Variants in KCNMA1 observed in about 807,000 individuals in gnomAD.
The protein encoded by KCNMA1 is Calcium-activated potassium channel subunit alpha-1.
Under a neutral mutation model 140.0 loss-of-function variants are expected in KCNMA1, and 29 were observed. That is an observed-to-expected ratio of 0.21 (90% CI 0.15 to 0.28). KCNMA1 has a LOEUF of 0.28. Ranked by LOEUF, KCNMA1 falls within the 10% of genes least tolerant of loss-of-function variation. The pLI, the probability that KCNMA1 is intolerant of heterozygous loss-of-function variation, is 1.00. For missense variants in KCNMA1, 880 were observed against 1,602.2 expected, an observed-to-expected ratio of 0.55 and a Z score of 7.70; for synonymous variants, 612 against 611.9, an observed-to-expected ratio of 1.00 and a Z score of 0.00.
chr10:77,355,014 G>A (rs911714263), intron 2 of KCNMA1, among the ~76,000 whole-genome samples: 7 of 152,260 alleles, frequency 4.6e-5, no homozygotes, highest in Middle Eastern at 3.4e-3. Context: ...TAATTCCCAC[G>A]TATTGTGGGA....
At chr10:77,191,378 A>C (rs1309190529) in intron 3 of KCNMA1, among the ~76,000 whole-genome samples, 3 of 152,174 alleles carry the variant, frequency 2.0e-5, no homozygotes, top group African/African-American at 7.2e-5. Flanking sequence ...TTTCTCCTGA[A>C]CTTGGGACAA....
chr10:77,130,993 G>C (rs565204880), intron 5 of KCNMA1, among the ~76,000 whole-genome samples: 51 of 152,196 alleles, frequency 3.4e-4, no homozygotes, highest in Non-Finnish European at 5.4e-4. Flanking sequence ...TCACAGTGAA[G>C]AAGAAAACAA....
At chr10:77,081,542 C>T (rs2096566200) in intron 12 of KCNMA1, among the ~76,000 whole-genome samples, 1 of 152,232 alleles carries the variant, frequency 6.6e-6, no homozygotes, top group African/African-American at 2.4e-5. Context: ...CACTTCACCC[C>T]TTTTAGTGCA....
chr10:77,389,989 A>G (rs529232838), intron 2 of KCNMA1, among the ~76,000 whole-genome samples: 9 of 152,306 alleles, frequency 5.9e-5, no homozygotes, highest in African/African-American at 1.9e-4. Context: ...CAGCTAAGAA[A>G]AGTGCATTCT....
At chr10:77,286,658 A>G (rs547575538) in intron 2 of KCNMA1, among the ~76,000 whole-genome samples, 1 of 152,250 alleles carries the variant, frequency 6.6e-6, no homozygotes, top group African/African-American at 2.4e-5. Flanking sequence ...GTGAGGCATT[A>G]GAATTCATAG....
At chr10:77,095,824 C>T (rs927693030) in intron 9 of KCNMA1, among the ~76,000 whole-genome samples, 1 of 152,128 alleles carries the variant, frequency 6.6e-6, no homozygotes, top group Admixed American at 6.5e-5. Context: ...TCCACAGGTA[C>T]ACAGGACAAC....
chr10:76,890,905 A>G (rs769512431), intron 26 of KCNMA1, among the ~76,000 whole-genome samples: 5 of 152,234 alleles, frequency 3.3e-5, no homozygotes, highest in South Asian at 2.1e-4. Context: ...CAGGCATTAA[A>G]GGATCCACAT....
In KCNMA1 at chr10:77,068,381, A is replaced by G. The variant is rs2096041314; in HGVS notation, c.1749+4716T>C. On this transcript the variant is annotated intron_variant, in intron 14 of 27. Coordinates refer to ENST00000286628, the MANE Select transcript of KCNMA1 (RefSeq NM_001161352.2). ...CACATAAACATAACCCAGACTAAAA[A>G]TATTTAAATGATTCCCTTGGCTATG... Among the ~76,000 whole-genome samples, 4 of 152,296 alleles carry G rather than the reference A, an allele frequency of 2.6e-5. No individual in the cohort carries two copies. In the Middle Eastern group the frequency reaches 0.01, roughly 389 times the overall value.
intron 1 of KCNMA1, among the ~76,000 whole-genome samples, chr10:77,505,244 G>A (rs1349196351): frequency 6.6e-6 from 1 of 152,226 alleles, no homozygotes; most frequent in Non-Finnish European, 1.5e-5. Context: ...AGTGAGTACA[G>A]GGCAAATAGC....
intron 3 of KCNMA1, among the ~76,000 whole-genome samples, chr10:77,211,487 C>T (rs1351998499): frequency 6.6e-6 from 1 of 152,076 alleles, no homozygotes; most frequent in Admixed American, 6.6e-5. Flanking sequence ...TAGAAGACCT[C>T]AAACTATAAA....
chr10:77,261,741 T>G (rs2062056835), intron 2 of KCNMA1, among the ~76,000 whole-genome samples: 1 of 152,172 alleles, frequency 6.6e-6, no homozygotes, highest in Non-Finnish European at 1.5e-5. Context: ...CCAATGACAT[T>G]AAAACCGATG....
At chr10:77,243,479 C>T (rs1273366190) in intron 3 of KCNMA1, among the ~76,000 whole-genome samples, 15 of 152,112 alleles carry the variant, frequency 9.9e-5, no homozygotes, top group Admixed American at 9.8e-4. Context: ...TCTTCATTTG[C>T]CCTGAAACAA....
intron 5 of KCNMA1, among the ~76,000 whole-genome samples, chr10:77,136,488 A>G (rs539664697): frequency 6.6e-6 from 1 of 152,260 alleles, no homozygotes; most frequent in Admixed American, 6.5e-5. Context: ...ACAATAGGAT[A>G]TACTTAACAT....
intron 5 of KCNMA1, among the ~76,000 whole-genome samples, chr10:77,134,997 C>CAAAAAA (rs71028253): frequency 0.055 from 646 of 11,770 alleles, 209 homozygotes; most frequent in Non-Finnish European, 0.076. Flanking sequence ...GACTCTGTCT[C>CAAAAAA]AAAAAAAAAA....
At chr10:77,555,044 C>T (rs1032976427) in intron 1 of KCNMA1, among the ~76,000 whole-genome samples, 1 of 123,910 alleles carries the variant, frequency 8.1e-6, no homozygotes, top group African/African-American at 3.5e-5. Flanking sequence ...ATCATCTCTT[C>T]ACTCTTACCA....
chr10:77,465,784 C>T (rs1164283869), intron 1 of KCNMA1, among the ~76,000 whole-genome samples: 1 of 152,180 alleles, frequency 6.6e-6, no homozygotes, highest in East Asian at 1.9e-4. Context: ...CCAGTCCAAG[C>T]CAGATTCCCA....
intron 18 of KCNMA1, among the ~76,000 whole-genome samples, chr10:77,009,304 C>T (rs1026820017): frequency 1.3e-5 from 2 of 152,138 alleles, no homozygotes; most frequent in African/African-American, 2.4e-5. Flanking sequence ...CAATTATGGG[C>T]CTCTCTCTCC....
At chr10:77,489,230 G>A (rs1331116473) in intron 1 of KCNMA1, among the ~76,000 whole-genome samples, 1 of 152,156 alleles carries the variant, frequency 6.6e-6, no homozygotes, top group African/African-American at 2.4e-5. Context: ...ATATTGCATA[G>A]GGCATACTTA....
At chr10:77,321,383 A>G (rs2082287367) in intron 2 of KCNMA1, among the ~76,000 whole-genome samples, 1 of 152,240 alleles carries the variant, frequency 6.6e-6, no homozygotes, top group Admixed American at 6.5e-5. Flanking sequence ...AACTCTGCTT[A>G]GTGGTAACAT....
Sources: gnomAD v4.1 joint callset for allele counts (sites outside exome capture counted in the v4.1 genomes callset) on GRCh38, gnomAD v4.1.1 for gene constraint, MANE v1.5 for transcripts, NCBI Gene and HGNC (gene_info 2026-07-23, HGNC 2026-07-21) for gene names.